The following LRRD1 variants were observed in gnomAD, a reference collection of about 807,000 sequenced individuals.
LRRD1 encodes leucine-rich repeat and death domain-containing protein 1.
Under a neutral mutation model 69.5 loss-of-function variants are expected in LRRD1, and 49 were observed. The observed-to-expected ratio is 0.70, with a 90% CI of 0.56 to 0.89. LRRD1 has a LOEUF of 0.89. Ranked by LOEUF, LRRD1 falls within the 40% of genes least tolerant of loss-of-function variation. The pLI, the probability that LRRD1 is intolerant of heterozygous loss-of-function variation, is 0.00. For synonymous variants in LRRD1, 303 were observed against 338.9 expected, an observed-to-expected ratio of 0.89 and a Z score of 1.16; for missense variants, 853 against 956.0, an observed-to-expected ratio of 0.89 and a Z score of 1.42.
chr7:92,161,447 G>A (rs1300673412), intron 2 of LRRD1, among the ~76,000 whole-genome samples: 1 of 152,224 alleles, frequency 6.6e-6, no homozygotes, highest in African/African-American at 2.4e-5. Context: ...TTGGATTCCT[G>A]ACAGGCAAGT....
Position 92,164,414 on chromosome 7 carries a change from A to T in LRRD1, c.789T>A (p.Ser263Arg). The change falls in exon 2 of 6, where the codon AGT (serine) becomes AGA (arginine). Residue 263 changes from serine (S) to arginine (R), a missense_variant. Coordinates refer to ENST00000458448, the MANE Select transcript of LRRD1 (RefSeq NM_001161528.2). ...LECLGNLEIL[S>R]LGKNKLRHIP... ...TATGTCTTAACTTATTTTTACCCAA[A>T]CTTAAAATTTCCAAGTTTCCAAGAC... is the stretch of plus-strand genomic sequence containing the variant. The T allele has an allele frequency of 6.5e-7, 1 of 1,548,374 alleles. No homozygotes were observed. The highest frequency in any genetic ancestry group is 8.7e-7 in the Non-Finnish European group (1 of 1,146,054).
chr7:92,147,319 C>T (rs920452038), intron 4 of LRRD1, among the ~76,000 whole-genome samples: 5 of 152,056 alleles, frequency 3.3e-5, no homozygotes, highest in Admixed American at 1.3e-4. Context: ...CCGCCCTCCT[C>T]GGCCTCCCAA....
Position 92,165,210 on chromosome 7 carries a change from G to T in LRRD1, c.-8C>A. The T allele has an allele frequency of 7.1e-7, 1 of 1,414,700 alleles. No individual in the cohort carries two copies. The highest frequency in any genetic ancestry group is 9.4e-7 in the Non-Finnish European group (1 of 1,067,888). 87.6% of individuals were successfully genotyped at this position (1,414,700 alleles called of 1,614,324 possible). On this transcript the variant is annotated 5_prime_UTR_variant, in exon 2 of 6. Coordinates refer to ENST00000458448, the MANE Select transcript of LRRD1 (RefSeq NM_001161528.2). ...ACCCTCCTTTTCAGACATCTTATTTGCTGATATGTTTTATGCCAATACAAA... is the reference window on the plus strand; with the variant it reads ...ACCCTCCTTTTCAGACATCTTATTTTCTGATATGTTTTATGCCAATACAAA...
At chr7:92,143,710 C>A (rs1187911576), downstream of LRRD1, among the ~76,000 whole-genome samples, 1 of 152,218 alleles carries the variant, frequency 6.6e-6, no homozygotes, top group African/African-American at 2.4e-5. Flanking sequence ...CCTCTCCCTG[C>A]ACACATGCCT....
At chr7:92,174,589 C>A (rs1362637527) in intron 1 of LRRD1, among the ~76,000 whole-genome samples, 1 of 131,608 alleles carries the variant, frequency 7.6e-6, no homozygotes, top group Non-Finnish European at 1.6e-5. Flanking sequence ...TTCACAGCAA[C>A]CTCTGCCTCC....
chr7:92,176,752 G>A (rs1404577136), intron 1 of LRRD1, among the ~76,000 whole-genome samples: 3 of 151,688 alleles, frequency 2.0e-5, no homozygotes, highest in Admixed American at 6.6e-5. Context: ...TAGTAGAGAT[G>A]GGGTTTCTGC....
At chr7:92,145,612 T>C (rs1388096708) in intron 5 of LRRD1, among the ~76,000 whole-genome samples, 1 of 152,000 alleles carries the variant, frequency 6.6e-6, no homozygotes, top group Non-Finnish European at 1.5e-5. Context: ...GCTAATTTTT[T>C]GTATTTTTAG....
chr7:92,155,927 G>T (rs950405424), intron 3 of LRRD1, among the ~76,000 whole-genome samples: 1 of 152,282 alleles, frequency 6.6e-6, no homozygotes, highest in East Asian at 1.9e-4. Flanking sequence ...GTCCTTCCAC[G>T]TACTTCTGCC....
Position 92,150,564 on chromosome 7 carries a change from G to C in LRRD1, c.2248C>G (p.Arg750Gly), listed in dbSNP as rs1382456578. Reference protein sequence around the residue: ...CKGKQLYTIARYLQRADERDE... With the variant: ...CKGKQLYTIAGYLQRADERDE... ...CTTTCATCTGCCCTCTGTAGATAGC[G>C]TGCAATAGTATACAACTGTTTTCCT... Residue 750 changes from arginine (R) to glycine (G), a missense_variant, in exon 4 of 6, where the codon CGC becomes GGC. Around this residue, in one of 3 missense-constraint regions of LRRD1, gnomAD observed 739 missense variants for 808.0 expected, o/e 0.91. Transcript: ENST00000458448. 6.4e-7 allele frequency: 1 copy of C among 1,551,120 alleles called. No individual in the cohort carries two copies. The highest frequency in any genetic ancestry group is 1.4e-5 in the African/African-American group (1 of 73,034).
chr7:92,163,539 A>T lies in LRRD1; in HGVS notation c.1664T>A (p.Met555Lys). The stretch of plus-strand genomic sequence containing the variant: ...TAAAATAAGTACGTGGAGTGATATC[A>T]TATTAGAAATTGATGCTGGAATTTT... ...IKKIPASISN[M>K]ISLHVLILCC... Residue 555 changes from methionine to lysine, a missense_variant, in exon 2 of 6, where the codon ATG becomes AAG. Coordinates refer to ENST00000458448, the MANE Select transcript of LRRD1 (RefSeq NM_001161528.2). 6.5e-7 allele frequency: 1 copy of T among 1,527,650 alleles called. No individual in the cohort carries two copies. Among genetic ancestry groups the T allele is most frequent in the Non-Finnish European group, 8.8e-7 (1 of 1,139,060 alleles). The allele number at this position is 1,527,650 out of a possible 1,614,324, so 94.6% of individuals were successfully genotyped here. A position where few individuals can be genotyped will look rare whatever the true frequency, so the allele number is the denominator to read the frequency against.
intron 2 of LRRD1, 21 bp from the exon 3 acceptor site, chr7:92,159,224 T>C (rs1220514026): frequency 1.5e-6 from 2 of 1,352,716 alleles, no homozygotes; most frequent in East Asian, 2.8e-5. Flanking sequence ...GATTACACAA[T>C]TATACATTTA....
chr7:92,168,340 G>A (rs1033639520), intron 1 of LRRD1, among the ~76,000 whole-genome samples: 1 of 152,136 alleles, frequency 6.6e-6, no homozygotes, highest in East Asian at 1.9e-4. Flanking sequence ...GAAGTACTGG[G>A]AGTGCCTATA....
chr7:92,149,464 C>G (rs752628591), intron 4 of LRRD1, among the ~76,000 whole-genome samples: 3 of 152,136 alleles, frequency 2.0e-5, no homozygotes, highest in Non-Finnish European at 2.9e-5. Flanking sequence ...TGTTGCGAAC[C>G]CAGCCCCAGG....
At position 92,163,891 on chromosome 7, in the gene LRRD1, A is replaced by G; in HGVS notation, c.1312T>C (p.Ser438Pro). ...AGACTGCATATGTTATTAAGATGTGAGATACAGTCAGTTATTTTTACCATA... is the reference window on the plus strand; with the variant it reads ...AGACTGCATATGTTATTAAGATGTGGGATACAGTCAGTTATTTTTACCATA... ...NNMVKITDCI[S>P]HLNNICSLEF... is the part of the protein sequence containing the mutation. Residue 438 changes from serine to proline, a missense_variant, in exon 2 of 6, where the codon TCA (serine) becomes CCA (proline). This residue lies in a region of LRRD1 where 739 missense variants were observed against 808.0 expected (regional missense o/e 0.91). Transcript: ENST00000458448. 6.5e-7 allele frequency: 1 copy of G among 1,527,814 alleles called. No individual in the cohort carries two copies. The highest frequency in any genetic ancestry group is 2.3e-5 in the Admixed American group (1 of 44,410). 94.6% of individuals were successfully genotyped at this position (1,527,814 alleles called of 1,614,324 possible).
chr7:92,145,888 G>A (rs573812124), intron 5 of LRRD1, among the ~76,000 whole-genome samples, 195 bp downstream of exon 5: 1 of 152,186 alleles, frequency 6.6e-6, no homozygotes, highest in Non-Finnish European at 1.5e-5. Context: ...AAGTCAGTCT[G>A]TCCTCATAGC....
At chr7:92,159,313 T>C (rs2131000594) in intron 2 of LRRD1, 110 bp from the exon 3 acceptor site, 1 of 773,928 alleles carries the variant, frequency 1.3e-6, no homozygotes, top group Middle Eastern at 3.8e-4. Flanking sequence ...GTTTTTGTCT[T>C]AAAAAGGAGA....
At chr7:92,176,565 ATTT>A (rs71107853) in intron 1 of LRRD1, among the ~76,000 whole-genome samples, 177 of 143,478 alleles carry the variant, frequency 1.2e-3, no homozygotes, top group African/African-American at 2.6e-3. Context: ...AGATTCTCTC[ATTT>A]TTTTTTTTTT....
chr7:92,162,045 A>G (rs967418560), intron 2 of LRRD1, among the ~76,000 whole-genome samples: 1 of 152,234 alleles, frequency 6.6e-6, no homozygotes, highest in African/African-American at 2.4e-5. Flanking sequence ...ATGGTTATGA[A>G]TCAGTCAATG....
At chr7:92,142,785 C>T (rs995686268), downstream of LRRD1, 8 of 445,172 alleles carry the variant, frequency 1.8e-5, no homozygotes, top group African/African-American at 4.1e-5. Context: ...TCCTTTCTCC[C>T]GGTGGGTTCC....
Sources: allele counts gnomAD v4.1 joint callset (sites outside exome capture counted in the v4.1 genomes callset), GRCh38; gene constraint gnomAD v4.1.1; regional missense constraint gnomAD v4.1.1; transcripts MANE v1.5; gene names NCBI Gene and HGNC (gene_info 2026-07-23, HGNC 2026-07-21).